MEIOB: variants seen among roughly 807,000 people sequenced by gnomAD.
MEIOB encodes the protein meiosis specific with OB-fold.
Under a neutral mutation model 53.1 loss-of-function variants are expected in MEIOB, and 50 were observed. The observed-to-expected ratio is 0.94, with a 90% CI of 0.75 to 1.19. MEIOB has a LOEUF of 1.19. MEIOB is among the 50% of genes most tolerant of loss of function. The pLI is 0.00. For synonymous variants in MEIOB, 192 were observed against 182.5 expected, an observed-to-expected ratio of 1.05 and a Z score of -0.42; for missense variants, 551 against 550.8, an observed-to-expected ratio of 1.00 and a Z score of 0.00.
At chr16:1,860,567 T>A in intron 4 of MEIOB, 92 bp from the exon 5 acceptor site, 64 of 707,510 alleles carry the variant, frequency 9.0e-5, no homozygotes, top group Non-Finnish European at 1.4e-4. Context: ...TTTATGATCA[T>A]CATCGACTCT....
chr16:1,840,618 G>A lies in MEIOB; in HGVS notation c.1035-1180C>T, dbSNP rs146315069. On this transcript the variant is annotated intron_variant, in intron 11 of 13. Coordinates refer to ENST00000325962, the MANE Select transcript of MEIOB (RefSeq NM_001163560.3). ...GAGTGCAGTGCAGTGGCGCAATCTC[G>A]GCTCGCTGCAAGCTCTGCCTCCCAG... Among the ~76,000 whole-genome samples, 328 of 151,104 alleles carry A rather than the reference G, an allele frequency of 2.2e-3. 4 individuals carry two copies. Among genetic ancestry groups the A allele is most frequent in the African/African-American group, 7.8e-3 (319 of 41,116 alleles).
At chr16:1,870,117 C>T (rs1218180610) in intron 1 of MEIOB, among the ~76,000 whole-genome samples, 1 of 152,090 alleles carries the variant, frequency 6.6e-6, no homozygotes, top group East Asian at 1.9e-4. Flanking sequence ...GATGATCCAC[C>T]CGCATCAGCC....
rs372407196 is a variant in MEIOB at position 1,854,119 on chromosome 16, A to G, written c.610T>C (p.Ser204Pro). The G allele has an allele frequency of 3.4e-4, 522 of 1,549,886 alleles. No homozygotes were observed. The highest frequency in any genetic ancestry group is 4.2e-4 in the Non-Finnish European group (485 of 1,145,880). The part of the protein sequence containing the change: ...CEVRLYDETE[S>P]SFAMTCWDNE... ...GTTTACCATGTCATCGCAAAAGACG[A>G]CTCTGTTTCATCATAGAGTCTAACT... The change falls in exon 7 of 14, where the codon TCG becomes CCG. Residue 204 changes from serine to proline, a missense_variant. By Grantham distance (74) the Ser-to-Pro change is moderately conservative. Coordinates refer to ENST00000325962, the MANE Select transcript of MEIOB (RefSeq NM_001163560.3).
chr16:1,847,389 G>A (rs773646571), intron 9 of MEIOB, among the ~76,000 whole-genome samples: 3 of 151,888 alleles, frequency 2.0e-5, no homozygotes, highest in Non-Finnish European at 4.4e-5. Context: ...TTGAACCCTG[G>A]AGGCGGAGGT....
intron 11 of MEIOB, 157 bp from the exon 12 acceptor site, chr16:1,839,595 A>G: frequency 6.5e-6 from 4 of 619,144 alleles, no homozygotes; most frequent in South Asian, 2.4e-5. Flanking sequence ...CGTAAAAAAC[A>G]GTAAAACACA....
chr16:1,864,395 A>C (rs1288469416), intron 3 of MEIOB, among the ~76,000 whole-genome samples: 2 of 152,102 alleles, frequency 1.3e-5, no homozygotes, highest in African/African-American at 4.8e-5. Context: ...AATACCACAG[A>C]TGTCATCATA....
chr16:1,863,664 C>G (rs891391821), intron 3 of MEIOB, among the ~76,000 whole-genome samples: 7 of 151,366 alleles, frequency 4.6e-5, no homozygotes, highest in East Asian at 3.9e-4. Flanking sequence ...CATGAGCCAC[C>G]GTGCCTGATG....
At chr16:1,861,749 G>T (rs971725422) in intron 4 of MEIOB, among the ~76,000 whole-genome samples, 1 of 151,784 alleles carries the variant, frequency 6.6e-6, no homozygotes, top group Non-Finnish European at 1.5e-5. Flanking sequence ...TGCTCAGGCT[G>T]GTCTCGAACT....
At chr16:1,835,093 A>G (rs1898706296) in intron 13 of MEIOB, among the ~76,000 whole-genome samples, 2 of 152,062 alleles carry the variant, frequency 1.3e-5, no homozygotes, top group African/African-American at 4.8e-5. Context: ...TGTCTCTACT[A>G]AAAATATAAA....
chr16:1,842,953 C>T lies in MEIOB; in HGVS notation c.881-980G>A, dbSNP rs140499699. ...CTGGGATTACAGGCGTGAGCCACCG[C>T]GCCCGGCGACACTGACTCAATTTTT... On this transcript the variant is annotated intron_variant, in intron 10 of 13. Coordinates refer to ENST00000325962, the MANE Select transcript of MEIOB (RefSeq NM_001163560.3). 2.5e-3 allele frequency among the ~76,000 whole-genome samples: 362 copies of T among 142,132 alleles called. 4 individuals carry two copies. The highest frequency in any genetic ancestry group is 8.5e-3 in the African/African-American group (331 of 39,038). 93.2% of individuals were successfully genotyped at this position (142,132 alleles called of 152,430 possible).
chr16:1,863,046 TAGA>T (rs1899486898), intron 3 of MEIOB, among the ~76,000 whole-genome samples: 1 of 151,960 alleles, frequency 6.6e-6, no homozygotes, highest in Non-Finnish European at 1.5e-5. Flanking sequence ...CTGGGCAACA[TAGA>T]AGGACACCAT....
At position 1,834,287 on chromosome 16, in the gene MEIOB, C is replaced by T. The variant is rs1898679698; in HGVS notation, c.1385G>A (p.Ser462Asn). 6.2e-7 allele frequency: 1 copy of T among 1,611,620 alleles called. No homozygotes were observed. The highest frequency in any genetic ancestry group is 2.2e-5 in the East Asian group (1 of 44,844). Residue 462 changes from serine to asparagine, a missense_variant, in exon 14 of 14, where the codon AGC (serine) becomes AAC (asparagine). Ser to Asn is a conservative substitution (Grantham distance 46). Coordinates refer to ENST00000325962, the MANE Select transcript of MEIOB (RefSeq NM_001163560.3). ...ATGTTTTTGTCCAGACAAGTTTCTG[C>T]TTGCCTCAGTAGGATCTGCAAGCTT... ...SCKLADPTEA[S>N]RNLSGQKHV is the part of the protein sequence containing the mutation.
intron 5 of MEIOB, 133 bp from the exon 6 acceptor site, chr16:1,858,063 C>G (rs1899354178): frequency 1.6e-6 from 1 of 606,382 alleles, no homozygotes. Context: ...CTCTTAGAAA[C>G]ATTGAATAAT....
intron 5 of MEIOB, 62 bp downstream of exon 5, chr16:1,860,341 C>G (rs952208286): frequency 2.2e-6 from 2 of 897,922 alleles, no homozygotes; most frequent in Non-Finnish European, 3.5e-6. Flanking sequence ...CTCTGCTAAT[C>G]TGATACAACA....
chr16:1,849,665 A>G lies in MEIOB; in HGVS notation c.778+3374T>C, dbSNP rs115592508. ...GTATGCCAGAACTTAAAGTAAAACT[A>G]AAAAAAAAAGTAAAGCTGATATAAA... On this transcript the variant is annotated intron_variant, in intron 9 of 13. Coordinates refer to ENST00000325962, the MANE Select transcript of MEIOB (RefSeq NM_001163560.3). Among the ~76,000 whole-genome samples, 1,352 of 149,442 alleles carry G rather than the reference A, an allele frequency of 9.0e-3. 16 individuals carry two copies. The highest frequency in any genetic ancestry group is 0.032 in the African/African-American group (1,318 of 40,896).
chr16:1,870,014 G>C (rs1477587523), intron 1 of MEIOB, among the ~76,000 whole-genome samples: 2 of 151,796 alleles, frequency 1.3e-5, no homozygotes, highest in Non-Finnish European at 2.9e-5. Context: ...TGGGACTACA[G>C]GCATGTGTCA....
At position 1,858,019 on chromosome 16, in the gene MEIOB, T is replaced by C. The variant is rs549555081; in HGVS notation, c.333-89A>G. On this transcript the variant is annotated intron_variant, in intron 5 of 13. Transcript: ENST00000325962. ...GTCCACATTTAAACTACATTTTTCA[T>C]TGAAATTTAGACAATACTAATATAT... The C allele has an allele frequency of 7.3e-6, 6 of 820,960 alleles. No individual in the cohort carries two copies. In the South Asian group the frequency reaches 7.4e-5, roughly 10 times the overall value. 50.9% of individuals were successfully genotyped at this position (820,960 alleles called of 1,614,324 possible).
intron 6 of MEIOB, among the ~76,000 whole-genome samples, chr16:1,855,099 C>G (rs773197972): frequency 6.6e-6 from 1 of 152,098 alleles, no homozygotes; most frequent in Non-Finnish European, 1.5e-5. Context: ...TAAAGTGAAA[C>G]GCCAGTGGGG....
At chr16:1,838,422 T>A (rs1278900610) in intron 12 of MEIOB, among the ~76,000 whole-genome samples, 1 of 152,190 alleles carries the variant, frequency 6.6e-6, no homozygotes, top group Non-Finnish European at 1.5e-5. Context: ...AATTTGGAAC[T>A]AAAGTCTAAT....
Sources: allele counts gnomAD v4.1 joint callset (sites outside exome capture counted in the v4.1 genomes callset), GRCh38; gene constraint gnomAD v4.1.1; transcripts MANE v1.5; gene names NCBI Gene and HGNC (gene_info 2026-07-23, HGNC 2026-07-21).